The following LAG3 variants were observed in gnomAD, a reference collection of about 807,000 sequenced individuals.
LAG3 encodes the protein lymphocyte activating 3, also known as lymphocyte activation gene 3 protein.
In LAG3, 29 loss-of-function variants were observed where a neutral mutation model predicts 49.0. The observed-to-expected ratio is 0.59, with a 90% CI of 0.44 to 0.81. LAG3 has a LOEUF of 0.81. Ranked by LOEUF, LAG3 falls within the 30% of genes least tolerant of loss-of-function variation. The pLI is 0.00. For missense variants in LAG3, 693 were observed against 695.2 expected (o/e 1.00, Z 0.04); for synonymous variants, 320 against 297.3 (o/e 1.08, Z -0.79).
In LAG3 at chr12:6,773,274, A is replaced by G; in HGVS notation, c.141A>G (p.Thr47=). ...GAPAQLPCSP[T]IPLQDLSLLR... is the part of the protein sequence containing the mutation. ...CTGCCCAGCTCCCCTGCAGCCCCACAATCCCCCTCCAGGATCTCAGCCTTC... is the reference window on the plus strand; with the variant it reads ...CTGCCCAGCTCCCCTGCAGCCCCACGATCCCCCTCCAGGATCTCAGCCTTC... Residue 47 remains threonine, a synonymous_variant, in exon 2 of 8, where the codon ACA becomes ACG. Transcript: ENST00000203629. This position sits in a 1 kb window ranked among gnomAD's most constrained non-coding sequence, Gnocchi z 5.5. 6.2e-7 allele frequency: 1 copy of G among 1,613,532 alleles called. No homozygotes were observed. The highest frequency in any genetic ancestry group is 8.5e-7 in the Non-Finnish European group (1 of 1,179,770).
chr12:6,772,785 C>CCCCCCTGCCCCCCT lies in LAG3; in HGVS notation c.-68_-67insCCCCCTGCCCCCCT. The CCCCCCTGCCCCCCT allele has an allele frequency of 8.6e-7, 1 of 1,163,354 alleles. No individual in the cohort carries two copies. Among genetic ancestry groups the CCCCCCTGCCCCCCT allele is most frequent in the South Asian group, 1.3e-5 (1 of 75,736 alleles). The allele number at this position is 1,163,354 out of a possible 1,614,324, so 72.1% of individuals were successfully genotyped here. On this transcript the variant is annotated 5_prime_UTR_variant, in exon 1 of 8. Coordinates refer to ENST00000203629, the MANE Select transcript of LAG3 (RefSeq NM_002286.6). ...AACTTCTCCTTTACCCCCCACCCCC[C>CCCCCCTGCCCCCCT]ACCACTGCCCCCTTTCCTTTTCTGA...
At position 6,773,603 on chromosome 12, in the gene LAG3, G is replaced by A; in HGVS notation, c.207-94G>A. ...CGGTTGGTGGTCAAGAGAACTCTTG[G>A]GGCGGGCTTTCTCATCCTCAACGGG... is the stretch of plus-strand genomic sequence containing the variant. On this transcript the variant is annotated intron_variant, in intron 2 of 7. Transcript: ENST00000203629. This position sits in a 1 kb window ranked among gnomAD's most constrained non-coding sequence, Gnocchi z 5.5. 1 of 1,320,172 alleles carries A rather than the reference G, an allele frequency of 7.6e-7. No homozygotes were observed. 81.8% of individuals were successfully genotyped at this position (1,320,172 alleles called of 1,614,324 possible). A position where few individuals can be genotyped will look rare whatever the true frequency, so the allele number is the denominator to read the frequency against.
chr12:6,774,120 G>C, intron 3 of LAG3, 119 bp downstream of exon 3: 1 of 1,321,902 alleles, frequency 7.6e-7, no homozygotes. Context: ...AGAGCTCCCA[G>C]AAGAGTAGAG....
chr12:6,773,665 A>T lies in LAG3; in HGVS notation c.207-32A>T, dbSNP rs992312052. On this transcript the variant is annotated intron_variant, in intron 2 of 7. Coordinates refer to ENST00000203629, the MANE Select transcript of LAG3 (RefSeq NM_002286.6). The surrounding 1 kb of genome is among the most constrained non-coding windows in gnomAD (Gnocchi z 5.5). ...ATCCTCCCGGGCTTCCTACCCCTGG[A>T]GCTTCTCAACTCCATTCTCTTTCCC... 3.7e-6 allele frequency: 5 copies of T among 1,369,056 alleles called. No individual in the cohort carries two copies. The highest frequency in any genetic ancestry group is 4.7e-6 in the Non-Finnish European group (5 of 1,068,834). The allele number at this position is 1,369,056 out of a possible 1,614,324, so 84.8% of individuals were successfully genotyped here.
Position 6,774,691 on chromosome 12 carries a change from T to C in LAG3, c.608T>C (p.Phe203Ser), listed in dbSNP as rs1291391084. The change falls in exon 4 of 8, where the codon TTC becomes TCC. Residue 203 changes from phenylalanine (F) to serine (S), a missense_variant. By Grantham distance (155) the Phe-to-Ser change is radical. Transcript: ENST00000203629. Reference sequence around the variant, plus strand: ...GACCGCCCAGCCTCTGTGCATTGGTTCCGGAACCGGGGCCAGGGCCGAGTC... The same window carrying C: ...GACCGCCCAGCCTCTGTGCATTGGTCCCGGAACCGGGGCCAGGGCCGAGTC... ...RPDRPASVHW[F>S]RNRGQGRVPV... 1 of 1,614,172 alleles carries C rather than the reference T, an allele frequency of 6.2e-7. No homozygotes were observed. Among genetic ancestry groups the C allele is most frequent in the African/African-American group, 1.3e-5 (1 of 75,032 alleles).
Position 6,773,868 on chromosome 12 carries a change from C to A in LAG3, c.378C>A (p.Gly126=). 7.1e-7 allele frequency: 1 copy of A among 1,402,102 alleles called. No individual in the cohort carries two copies. Among genetic ancestry groups the A allele is most frequent in the Non-Finnish European group, 9.2e-7 (1 of 1,086,168 alleles). The allele number at this position is 1,402,102 out of a possible 1,614,324, so 86.9% of individuals were successfully genotyped here. ...CCCGCGTCCAGCTGGATGAGCGCGG[C>A]CGGCAGCGCGGGGACTTCTCGCTAT... ...LQPRVQLDER[G]RQRGDFSLWL... The change falls in exon 3 of 8, where the codon GGC becomes GGA. Residue 126 remains glycine, a synonymous_variant. Coordinates refer to ENST00000203629, the MANE Select transcript of LAG3 (RefSeq NM_002286.6). This position sits in a 1 kb window ranked among gnomAD's most constrained non-coding sequence, Gnocchi z 5.5.
At chr12:6,777,739 A>C in intron 6 of LAG3, 52 bp from the exon 7 acceptor site, 5 of 1,598,260 alleles carry the variant, frequency 3.1e-6, no homozygotes, top group Non-Finnish European at 4.3e-6. Flanking sequence ...GAGAATGACA[A>C]AGTGTCCTTT....
Position 6,778,405 on chromosome 12 carries a change from A to G in LAG3, c.*15A>G, listed in dbSNP as rs768086428. On this transcript the variant is annotated 3_prime_UTR_variant, in exon 8 of 8. Transcript: ENST00000203629. ...AGCAGCTCTGACCTGGAGCTGAGGC[A>G]GCCAGCAGATCTCAGCAGCCCAGTC... is the stretch of plus-strand genomic sequence containing the variant. 6.2e-7 allele frequency: 1 copy of G among 1,607,280 alleles called. No individual in the cohort carries two copies. The highest frequency in any genetic ancestry group is 1.1e-5 in the South Asian group (1 of 91,012).
chr12:6,775,978 T>C lies in LAG3; in HGVS notation c.1057+430T>C, dbSNP rs545651618. On this transcript the variant is annotated intron_variant, in intron 5 of 7. Coordinates refer to ENST00000203629, the MANE Select transcript of LAG3 (RefSeq NM_002286.6). ...CGTCCCTTGGTCAGCAAATATTTAC[T>C]GAGCAAGGGTTTTCCAAGACAGTAT... is the stretch of plus-strand genomic sequence containing the variant. Among the ~76,000 whole-genome samples the C allele has an allele frequency of 3.6e-4, 55 of 152,314 alleles. 1 individual carries two copies. The highest frequency in any genetic ancestry group is 1.3e-3 in the African/African-American group (52 of 41,554).
At chr12:6,777,158 G>T in intron 5 of LAG3, 106 bp from the exon 6 acceptor site, 1 of 1,358,166 alleles carries the variant, frequency 7.4e-7, no homozygotes, top group Non-Finnish European at 1.0e-6. Context: ...ACCTCCCCTG[G>T]CCAGAACCCA....
Position 6,778,291 on chromosome 12 carries a change from G to A in LAG3, c.1479G>A (p.Pro493=), listed in dbSNP as rs1304523425. 1 of 1,613,200 alleles carries A rather than the reference G, an allele frequency of 6.2e-7. No homozygotes were observed. Among genetic ancestry groups the A allele is most frequent in the Non-Finnish European group, 8.5e-7 (1 of 1,179,588 alleles). ...CCTTAGAGCAAGGGATTCACCCTCCGCAGGCTCAGAGCAAGATAGAGGAGC... is the reference window on the plus strand; with the variant it reads ...CCTTAGAGCAAGGGATTCACCCTCCACAGGCTCAGAGCAAGATAGAGGAGC... The part of the protein sequence containing the change: ...FSALEQGIHP[P]QAQSKIEELE... The change falls in exon 8 of 8, where the codon CCG becomes CCA. Residue 493 remains proline, a synonymous_variant. Coordinates refer to ENST00000203629, the MANE Select transcript of LAG3 (RefSeq NM_002286.6).
At chr12:6,777,568 G>T in intron 6 of LAG3, 62 bp downstream of exon 6, 1 of 1,572,364 alleles carries the variant, frequency 6.4e-7, no homozygotes, top group Admixed American at 1.8e-5. Context: ...CCTCCTTCCA[G>T]AACAGCCCCT....
At position 6,773,362 on chromosome 12, in the gene LAG3, A is replaced by G. The variant is rs1941864979; in HGVS notation, c.206+23A>G. ...CAGGTATGCACCCCAAACTTGGGCA[A>G]CAGGACCTCCGAATCCAGCACTCAA... On this transcript the variant is annotated intron_variant, in intron 2 of 7. Coordinates refer to ENST00000203629, the MANE Select transcript of LAG3 (RefSeq NM_002286.6). The surrounding 1 kb of genome is among the most constrained non-coding windows in gnomAD (Gnocchi z 5.5). The G allele has an allele frequency of 6.2e-7, 1 of 1,612,252 alleles. No individual in the cohort carries two copies. The highest frequency in any genetic ancestry group is 1.3e-5 in the African/African-American group (1 of 74,864).
At chr12:6,776,126 G>T (rs958329019) in intron 5 of LAG3, among the ~76,000 whole-genome samples, 1 of 152,138 alleles carries the variant, frequency 6.6e-6, no homozygotes, top group Non-Finnish European at 1.5e-5. Flanking sequence ...AGCACCCCAC[G>T]GCAGGTGCTT....
chr12:6,774,173 G>A (rs1941877146), intron 3 of LAG3, among the ~76,000 whole-genome samples, 172 bp downstream of exon 3: 2 of 149,650 alleles, frequency 1.3e-5, no homozygotes, highest in Admixed American at 1.3e-4. Context: ...TGCCCCCGAA[G>A]CACGTGTATG....
Position 6,778,327 on chromosome 12 carries a change from A to G in LAG3, c.1515A>G (p.Glu505=). ...AQSKIEELEQ[E]PEPEPEPEPE... is the part of the protein sequence containing the mutation. ...GCAAGATAGAGGAGCTGGAGCAAGA[A>G]CCGGAGCCGGAGCCGGAGCCGGAAC... is the stretch of plus-strand genomic sequence containing the variant. Residue 505 remains glutamate (E), a synonymous_variant, in exon 8 of 8, where the codon GAA becomes GAG. Coordinates refer to ENST00000203629, the MANE Select transcript of LAG3 (RefSeq NM_002286.6). 5 of 1,613,304 alleles carry G rather than the reference A, an allele frequency of 3.1e-6. No individual in the cohort carries two copies. Among genetic ancestry groups the G allele is most frequent in the Non-Finnish European group, 1.7e-6 (2 of 1,179,736 alleles).
rs765045852 is a variant in LAG3, at chr12:6,773,740, C to T, written c.250C>T (p.Pro84Ser). Residue 84 changes from proline to serine, a missense_variant, in exon 3 of 8, where the codon CCT becomes TCT. Coordinates refer to ENST00000203629, the MANE Select transcript of LAG3 (RefSeq NM_002286.6). This position sits in a 1 kb window ranked among gnomAD's most constrained non-coding sequence, Gnocchi z 5.5. Reference protein sequence around the residue: ...AAPGHPLAPGPHPAAPSSWGP... With the variant: ...AAPGHPLAPGSHPAAPSSWGP... ...CCCCGGCCATCCCCTGGCCCCCGGC[C>T]CTCACCCGGCGGCGCCCTCCTCCTG... 1 of 1,332,604 alleles carries T rather than the reference C, an allele frequency of 7.5e-7. No homozygotes were observed. Among genetic ancestry groups the T allele is most frequent in the Non-Finnish European group, 9.5e-7 (1 of 1,048,116 alleles). 82.5% of individuals were successfully genotyped at this position (1,332,604 alleles called of 1,614,324 possible).
Position 6,777,846 on chromosome 12 carries a change from GT to G in LAG3, c.1359del (p.Leu454SerfsTer12). 1 of 1,613,814 alleles carries G rather than the reference GT, an allele frequency of 6.2e-7. No individual in the cohort carries two copies. ...GALPAGHLLLFLILGVLSLLL... is the reference protein window; with the variant it reads ...GALPAGHLLLXLILGVLSLLL... ...CCCTCCCAGCAGGCCACCTCCTGCTGTTTCTCATCCTTGGTGTCCTTTCTCT... is the reference window on the plus strand; with the variant it reads ...CCCTCCCAGCAGGCCACCTCCTGCTGTTCTCATCCTTGGTGTCCTTTCTCT... On this transcript the variant is annotated frameshift_variant, in exon 7 of 8. Transcript: ENST00000203629. LOFTEE classifies it high-confidence loss of function.
Position 6,772,907 on chromosome 12 carries a change from C to T in LAG3, c.55C>T (p.Pro19Ser), listed in dbSNP as rs768527438. The T allele has an allele frequency of 1.2e-6, 2 of 1,613,746 alleles. No homozygotes were observed. Among genetic ancestry groups the T allele is most frequent in the African/African-American group, 1.3e-5 (1 of 74,940 alleles). ...GTTTCTGCAGCCGCTTTGGGTGGCT[C>T]CAGGTAAAACGGGGATGGCGGGAGG... Reference protein sequence around the residue: ...LLFLQPLWVAPVKPLQPGAEV... With the variant: ...LLFLQPLWVASVKPLQPGAEV... Residue 19 changes from proline to serine, a missense_variant, in exon 1 of 8, where the codon CCA (proline) becomes TCA (serine). Pro to Ser is a moderately conservative substitution (Grantham distance 74). Coordinates refer to ENST00000203629, the MANE Select transcript of LAG3 (RefSeq NM_002286.6).
Sources: gnomAD v4.1 joint callset for allele counts (sites outside exome capture counted in the v4.1 genomes callset) on GRCh38, gnomAD v4.1.1 for gene constraint, Gnocchi (gnomAD v3.1) non-coding constraint, MANE v1.5 for transcripts, NCBI Gene and HGNC (gene_info 2026-07-23, HGNC 2026-07-21) for gene names.